The following AKAP7 variants were observed in gnomAD, a reference collection of about 807,000 sequenced individuals.
AKAP7 encodes A kinase (PRKA) anchor protein 7.
AKAP7 carries 39 observed loss-of-function variants against 39.5 expected under a neutral mutation model. The ratio of observed to expected loss-of-function variants is 0.99; its 90% confidence interval spans 0.76 to 1.29. The LOEUF (loss-of-function observed/expected upper bound fraction) is 1.29, where lower values mean the gene tolerates loss of function less well. AKAP7 is among the 50% of genes most tolerant of loss of function. The pLI is 0.00. For missense variants in AKAP7, 414 were observed against 407.7 expected (o/e 1.02, Z -0.13); for synonymous variants, 140 against 139.1 (o/e 1.01, Z -0.05).
rs1344629090 is a variant in AKAP7 at position 131,167,109 on chromosome 6, G to T, written c.428+1892G>T. The stretch of plus-strand genomic sequence containing the variant: ...TCTTAGTTTGAAATACAACCTTTGG[G>T]TCTGAACTCCAGTTTGAGAATTTCG... On this transcript the variant is annotated intron_variant, in intron 4 of 7. Coordinates refer to ENST00000431975, the MANE Select transcript of AKAP7 (RefSeq NM_016377.4). 2.6e-5 allele frequency among the ~76,000 whole-genome samples: 4 copies of T among 152,082 alleles called. No individual in the cohort carries two copies. In the East Asian group the frequency reaches 7.7e-4, roughly 29 times the overall value.
upstream of AKAP7, among the ~76,000 whole-genome samples, chr6:131,135,386 C>T (rs889370504): frequency 4.6e-5 from 7 of 152,338 alleles, no homozygotes; most frequent in African/African-American, 1.7e-4. Context: ...GTCGCCGGCC[C>T]TAGTTTCCCC....
At chr6:131,202,615 T>A (rs772828255) in intron 6 of AKAP7, among the ~76,000 whole-genome samples, 1 of 54,626 alleles carries the variant, frequency 1.8e-5, no homozygotes, top group South Asian at 6.7e-4. Context: ...TGTTGTGGGA[T>A]GGGGGAGGGG....
intron 7 of AKAP7, among the ~76,000 whole-genome samples, chr6:131,244,208 G>A (rs1483139212): frequency 6.6e-6 from 1 of 152,108 alleles, no homozygotes; most frequent in Non-Finnish European, 1.5e-5. Context: ...ACTCCAGTAT[G>A]ACTTGGCACA....
intron 5 of AKAP7, among the ~76,000 whole-genome samples, chr6:131,196,393 A>G (rs765368932): frequency 6.6e-6 from 1 of 151,550 alleles, no homozygotes; most frequent in Non-Finnish European, 1.5e-5. Context: ...TGCCTCCTGA[A>G]TAGCTGGGAT....
chr6:131,185,194 G>T (rs1805710253), intron 5 of AKAP7: 5 of 491,520 alleles, frequency 1.0e-5, no homozygotes, highest in Middle Eastern at 3.2e-4. Context: ...TCTGTGTCTG[G>T]CTTAATAGGT....
chr6:131,223,613 C>T (rs1020069834), intron 7 of AKAP7, among the ~76,000 whole-genome samples: 1 of 152,108 alleles, frequency 6.6e-6, no homozygotes, highest in Non-Finnish European at 1.5e-5. Flanking sequence ...TGTTTAGGTT[C>T]ATTGTAAATG....
At chr6:131,228,869 TA>T (rs1481445117) in intron 7 of AKAP7, among the ~76,000 whole-genome samples, 2 of 151,886 alleles carry the variant, frequency 1.3e-5, no homozygotes, top group Non-Finnish European at 2.9e-5. Context: ...CAGTTGCAAC[TA>T]AAAAAAAATT....
chr6:131,218,340 TTATTA>T (rs1372816458), intron 6 of AKAP7, among the ~76,000 whole-genome samples: 12 of 152,212 alleles, frequency 7.9e-5, no homozygotes, highest in East Asian at 3.8e-4. Flanking sequence ...CATCTGTATA[TTATTA>T]TATTATGACA....
At chr6:131,215,491 G>A (rs992888069) in intron 6 of AKAP7, among the ~76,000 whole-genome samples, 2 of 152,326 alleles carry the variant, frequency 1.3e-5, no homozygotes, top group South Asian at 2.1e-4. Flanking sequence ...CAGAGGAGCT[G>A]AGGGAAGGCT....
intron 3 of AKAP7, among the ~76,000 whole-genome samples, chr6:131,160,905 T>C (rs1422199746): frequency 6.6e-6 from 1 of 152,190 alleles, no homozygotes; most frequent in Non-Finnish European, 1.5e-5. Context: ...CTGCATCTCA[T>C]TACAACCACT....
At chr6:131,238,866 G>A (rs914340836) in intron 7 of AKAP7, among the ~76,000 whole-genome samples, 1 of 152,128 alleles carries the variant, frequency 6.6e-6, no homozygotes, top group African/African-American at 2.4e-5. Context: ...TATCCAATTT[G>A]CCAGTCCGTG....
intron 7 of AKAP7, among the ~76,000 whole-genome samples, chr6:131,270,008 C>T (rs1294692072): frequency 3.3e-5 from 5 of 152,182 alleles, no homozygotes; most frequent in African/African-American, 1.2e-4. Flanking sequence ...GTCCATTCAT[C>T]AGGTTCACAG....
intron 7 of AKAP7, among the ~76,000 whole-genome samples, chr6:131,269,024 C>G (rs1392644513): frequency 6.6e-6 from 1 of 152,164 alleles, no homozygotes; most frequent in Non-Finnish European, 1.5e-5. Flanking sequence ...CTTCTGTTGA[C>G]ACTCCTGTGG....
At chr6:131,176,193 T>G (rs1804559543) in intron 5 of AKAP7, among the ~76,000 whole-genome samples, 1 of 152,110 alleles carries the variant, frequency 6.6e-6, no homozygotes, top group Non-Finnish European at 1.5e-5. Context: ...ACATGTGGGC[T>G]TATGGTGGTA....
Position 131,211,646 on chromosome 6 carries a change from A to G in AKAP7, c.703-8015A>G, listed in dbSNP as rs568685703. Among the ~76,000 whole-genome samples the G allele has an allele frequency of 6.3e-3, 949 of 151,418 alleles. 6 individuals carry two copies. The highest frequency in any genetic ancestry group is 0.021 in the African/African-American group (864 of 41,274). ...AAATTAGCCAGGTATGGTGGCGGAC[A>G]CCTGTAGTCCCAGCTGCTTGGGAGG... On this transcript the variant is annotated intron_variant, in intron 6 of 7. Coordinates refer to ENST00000431975, the MANE Select transcript of AKAP7 (RefSeq NM_016377.4).
chr6:131,196,655 T>A (rs1193481447), intron 5 of AKAP7, among the ~76,000 whole-genome samples: 1 of 152,184 alleles, frequency 6.6e-6, no homozygotes, highest in Non-Finnish European at 1.5e-5. Flanking sequence ...GAGTTCTTCC[T>A]ATGTTCCAGT....
intron 7 of AKAP7, among the ~76,000 whole-genome samples, chr6:131,271,269 A>G (rs1239712713): frequency 1.3e-5 from 2 of 152,140 alleles, no homozygotes; most frequent in Non-Finnish European, 2.9e-5. Flanking sequence ...TTTATTTTGC[A>G]TATGGATATA....
chr6:131,140,283 C>T (rs1426122672), intron 1 of AKAP7, among the ~76,000 whole-genome samples: 5 of 151,542 alleles, frequency 3.3e-5, no homozygotes, highest in African/African-American at 4.9e-5. Flanking sequence ...TTTTTTAAAG[C>T]TCTGCAGGTG....
chr6:131,184,054 G>A (rs1805566750), intron 5 of AKAP7, among the ~76,000 whole-genome samples: 4 of 152,188 alleles, frequency 2.6e-5, no homozygotes, highest in Admixed American at 2.6e-4. Flanking sequence ...AAGGCAAGCA[G>A]AATGAATGCA....
Sources: gnomAD v4.1 joint callset for allele counts (sites outside exome capture counted in the v4.1 genomes callset) on GRCh38, gnomAD v4.1.1 for gene constraint, MANE v1.5 for transcripts, NCBI Gene and HGNC (gene_info 2026-07-23, HGNC 2026-07-21) for gene names.